TASOR2: variants seen among roughly 807,000 people sequenced by gnomAD.
TASOR2 encodes the protein protein TASOR 2.
Under a neutral mutation model 199.5 loss-of-function variants are expected in TASOR2, and 84 were observed. The observed-to-expected ratio is 0.42, with a 90% CI of 0.35 to 0.50. The LOEUF is 0.50. Ranked by LOEUF, TASOR2 falls within the 20% of genes least tolerant of loss-of-function variation. The pLI is 0.02. For missense variants in TASOR2, 2,796 were observed against 2,835.9 expected, an observed-to-expected ratio of 0.99 and a Z score of 0.32; for synonymous variants, 1,103 against 1,046.6, an observed-to-expected ratio of 1.05 and a Z score of -1.04.
rs1021675341 is a variant in TASOR2 at position 5,752,481 on chromosome 10, G to A, written c.6606+2454G>A. ...TGCAGGCCGTGTGTCGGCTCCACAT[G>A]CCCACTGGGTCTGTCTCAGACTTCA... is the stretch of plus-strand genomic sequence containing the variant. On this transcript the variant is annotated intron_variant, in intron 15 of 20. Coordinates refer to ENST00000328090, the Ensembl canonical transcript of TASOR2. This position sits in a 1 kb window ranked among gnomAD's most constrained non-coding sequence, Gnocchi z 4.4. Among the ~76,000 whole-genome samples, 3 of 152,206 alleles carry A rather than the reference G, an allele frequency of 2.0e-5. No individual in the cohort carries two copies. The highest frequency in any genetic ancestry group is 2.9e-5 in the Non-Finnish European group (2 of 68,028).
At chr10:5,726,606 A>G (rs1487897419) in intron 8 of TASOR2, among the ~76,000 whole-genome samples, 2 of 152,226 alleles carry the variant, frequency 1.3e-5, no homozygotes, top group Non-Finnish European at 2.9e-5. Flanking sequence ...CTCAGTGAAA[A>G]AAATAAGTCT....
At chr10:5,717,691 C>G in exon 3 of TASOR2, 1 of 1,226,080 alleles carries the variant, frequency 8.2e-7, no homozygotes. Context: ...CGACTGTCTT[C>G]ATTCAAGACC....
rs554683586 is a variant in TASOR2, at chr10:5,752,612, G to A, written c.6606+2585G>A. Among the ~76,000 whole-genome samples the A allele has an allele frequency of 3.3e-5, 5 of 152,366 alleles. No homozygotes were observed. The East Asian group carries it at 7.7e-4, about 24-fold the overall frequency. On this transcript the variant is annotated intron_variant, in intron 15 of 20. Transcript: ENST00000328090. The surrounding 1 kb of genome is among the most constrained non-coding windows in gnomAD (Gnocchi z 4.4). ...CGAGTTACTTAGTAATGAAGGACAC[G>A]TGTCCCTTATTGTCACAGTGTCCCC...
rs1837898685 is a variant in TASOR2, at chr10:5,750,615, T to G, written c.6606+588T>G. On this transcript the variant is annotated intron_variant, in intron 15 of 20. Transcript: ENST00000328090. This position sits in a 1 kb window ranked among gnomAD's most constrained non-coding sequence, Gnocchi z 5.4. The stretch of plus-strand genomic sequence containing the variant: ...TCTATTTCGGGCATAGACAGTATTT[T>G]TAAAAATTTAATTGTTTTTAATTTC... Among the ~76,000 whole-genome samples the G allele has an allele frequency of 6.6e-6, 1 of 152,222 alleles. No homozygotes were observed.
intron 1 of TASOR2, among the ~76,000 whole-genome samples, chr10:5,708,625 TCCC>T (rs1831473647): frequency 3.0e-4 from 4 of 13,376 alleles, no homozygotes; most frequent in Non-Finnish European, 8.7e-4. Context: ...CCTCCCTCCC[TCCC>T]TTCCTCCCTT....
At chr10:5,721,143 C>G (rs1833309992) in intron 6 of TASOR2, among the ~76,000 whole-genome samples, 173 bp downstream of exon 7, 1 of 151,958 alleles carries the variant, frequency 6.6e-6, no homozygotes, top group South Asian at 2.1e-4. Context: ...CATAGTAAAC[C>G]TAAATTCTAA....
intron 2 of TASOR2, chr10:5,713,880 A>C (rs1832245313): frequency 3.8e-6 from 1 of 262,474 alleles, no homozygotes; most frequent in African/African-American, 2.2e-5. Context: ...GAATACCTAC[A>C]GTGAGCAGAC....
intron 1 of TASOR2, among the ~76,000 whole-genome samples, chr10:5,691,880 T>TA (rs1836464432): frequency 6.6e-6 from 1 of 152,190 alleles, no homozygotes; most frequent in Admixed American, 6.5e-5. Flanking sequence ...TGTGAAGTAT[T>TA]AAAAAACCAT....
At chr10:5,755,004 C>T (rs1279922662) in intron 15 of TASOR2, among the ~76,000 whole-genome samples, 1 of 144,588 alleles carries the variant, frequency 6.9e-6, no homozygotes, top group Non-Finnish European at 1.5e-5. Flanking sequence ...CGAGATCGCG[C>T]CACTGCACTC....
intron 12 of TASOR2, 65 bp from the exon 14 acceptor site, chr10:5,739,553 A>G: frequency 1.4e-6 from 2 of 1,447,468 alleles, no homozygotes; most frequent in South Asian, 2.7e-5. Flanking sequence ...CATCATAGTA[A>G]TATGGCAGAG....
rs1836609968 is a variant in TASOR2 at position 5,742,699 on chromosome 10, G to A, written c.2757+173G>A. The stretch of plus-strand genomic sequence containing the variant: ...AGTTTTCATGAAGTGTCCTTGAATT[G>A]TCTGCAGGTAGAGCTTACCTGCCAT... On this transcript the variant is annotated intron_variant, in intron 14 of 20. Coordinates refer to ENST00000328090, the Ensembl canonical transcript of TASOR2. This position sits in a 1 kb window ranked among gnomAD's most constrained non-coding sequence, Gnocchi z 4.2. Among the ~76,000 whole-genome samples, 2 of 152,056 alleles carry A rather than the reference G, an allele frequency of 1.3e-5. No homozygotes were observed. The highest frequency in any genetic ancestry group is 4.1e-4 in the South Asian group (2 of 4,822).
At position 5,720,101 on chromosome 10, in the gene TASOR2, G is replaced by T. The variant is rs994321516; in HGVS notation, c.-99-443G>T. ...TCATGGATAATCAAAACTATTTTTG[G>T]CCTTAAGATAATTGTTTTTCTAAGA... On this transcript the variant is annotated intron_variant, in intron 3 of 20. Transcript: ENST00000328090. This position sits in a 1 kb window ranked among gnomAD's most constrained non-coding sequence, Gnocchi z 5.3. 6.6e-6 allele frequency among the ~76,000 whole-genome samples: 1 copy of T among 152,074 alleles called. No individual in the cohort carries two copies. The highest frequency in any genetic ancestry group is 1.5e-5 in the Non-Finnish European group (1 of 68,028).
At chr10:5,739,907 A>C in exon 13 of TASOR2, 2 of 1,614,228 alleles carry the variant, frequency 1.2e-6, no homozygotes, top group Non-Finnish European at 1.7e-6. Flanking sequence ...TGCGAGGTAC[A>C]TCTGACCATG....
Position 5,738,537 on chromosome 10 carries a change from T to A in TASOR2, c.1448-1081T>A, listed in dbSNP as rs1264660340. On this transcript the variant is annotated intron_variant, in intron 12 of 20. Coordinates refer to ENST00000328090, the Ensembl canonical transcript of TASOR2. This position sits in a 1 kb window ranked among gnomAD's most constrained non-coding sequence, Gnocchi z 4.7. ...ATCCACCTGTCCCCTTTGAGTTTGC[T>A]GTTTTAAATAAAAACTGGGCAGTCG... 6.6e-6 allele frequency among the ~76,000 whole-genome samples: 1 copy of A among 152,228 alleles called. No individual in the cohort carries two copies. The highest frequency in any genetic ancestry group is 6.5e-5 in the Admixed American group (1 of 15,278).
intron 8 of TASOR2, 71 bp from the exon 10 acceptor site, chr10:5,726,814 G>C: frequency 7.4e-7 from 1 of 1,353,260 alleles, no homozygotes; most frequent in Non-Finnish European, 1.1e-6. Context: ...ATTCACTAAT[G>C]AGTATGGGTA....
intron 1 of TASOR2, among the ~76,000 whole-genome samples, chr10:5,708,096 C>T (rs368145558): frequency 2.0e-5 from 3 of 152,314 alleles, no homozygotes; most frequent in African/African-American, 7.2e-5. Flanking sequence ...ACTATACATG[C>T]TGTTTTTGTG....
rs1835921207 is a variant in TASOR2, at chr10:5,687,372, A to T, written c.-288+2197A>T. ...TCCTTAACTAGCATTGTTTACTCTTACCTGTTTTTGAACTTTATTTAAATA... is the reference window on the plus strand; with the variant it reads ...TCCTTAACTAGCATTGTTTACTCTTTCCTGTTTTTGAACTTTATTTAAATA... On this transcript the variant is annotated intron_variant, in intron 1 of 20. Coordinates refer to ENST00000328090, the Ensembl canonical transcript of TASOR2. The surrounding 1 kb of genome is among the most constrained non-coding windows in gnomAD (Gnocchi z 4.8). 6.6e-6 allele frequency among the ~76,000 whole-genome samples: 1 copy of T among 152,084 alleles called. No homozygotes were observed. Among genetic ancestry groups the T allele is most frequent in the African/African-American group, 2.4e-5 (1 of 41,396 alleles).
intron 8 of TASOR2, among the ~76,000 whole-genome samples, chr10:5,726,304 C>A (rs1355736214): frequency 2.0e-5 from 3 of 152,088 alleles, no homozygotes; most frequent in Non-Finnish European, 2.9e-5. Flanking sequence ...CTCAAGAGTC[C>A]ACTGAAGACT....
rs1312245294 is a variant in TASOR2 at position 5,720,460 on chromosome 10, C to A, written c.-99-84C>A. On this transcript the variant is annotated intron_variant, in intron 3 of 20. Coordinates refer to ENST00000328090, the Ensembl canonical transcript of TASOR2. This position sits in a 1 kb window ranked among gnomAD's most constrained non-coding sequence, Gnocchi z 5.3. ...TTTCTGACTCTAATGTGTTAAATTT[C>A]AGGGCTCGGTGGGGTTGAGAAAAAC... is the stretch of plus-strand genomic sequence containing the variant. 19 of 1,425,492 alleles carry A rather than the reference C, an allele frequency of 1.3e-5. No individual in the cohort carries two copies. The highest frequency in any genetic ancestry group is 1.6e-5 in the Non-Finnish European group (18 of 1,095,284). 88.3% of individuals were successfully genotyped at this position (1,425,492 alleles called of 1,614,324 possible). A position where few individuals can be genotyped will look rare whatever the true frequency, so the allele number is the denominator to read the frequency against.
Sources: gnomAD v4.1 joint callset for allele counts (sites outside exome capture counted in the v4.1 genomes callset) on GRCh38, gnomAD v4.1.1 for gene constraint, Gnocchi (gnomAD v3.1) non-coding constraint, MANE v1.5 for transcripts, NCBI Gene and HGNC (gene_info 2026-07-23, HGNC 2026-07-21) for gene names.